Variants in EFHC1 observed in about 807,000 individuals in gnomAD.
The protein encoded by EFHC1 is EF-hand domain-containing protein 1.
EFHC1 carries 53 observed loss-of-function variants against 69.9 expected under a neutral mutation model. That is an observed-to-expected ratio of 0.76 (90% CI 0.61 to 0.95). The LOEUF (loss-of-function observed/expected upper bound fraction) is 0.95. Among genes scored for constraint, EFHC1 ranks in the 40% least tolerant of loss-of-function variants. The pLI is 0.00. For missense variants in EFHC1, 739 were observed against 798.7 expected (o/e 0.93, Z 0.90); for synonymous variants, 256 against 278.4 (o/e 0.92, Z 0.80).
chr6:52,447,486 A>G (rs951521789), intron 3 of EFHC1, among the ~76,000 whole-genome samples: 9 of 152,112 alleles, frequency 5.9e-5, no homozygotes, highest in African/African-American at 2.2e-4. Flanking sequence ...CAAGGTTTTT[A>G]GCTTCTTTGC....
Position 52,494,086 on chromosome 6 carries a change from A to ATG in EFHC1, c.*1746_*1747insGT, listed in dbSNP as rs1238969944. On this transcript the variant is annotated 3_prime_UTR_variant, in exon 11 of 11. Transcript: ENST00000371068. ...GTCGCTCATAACTATTTAAAACAGT[A>ATG]TCTCTTTCAAGTACAGATGCTCCTC... The ATG allele has an allele frequency of 3.0e-6, 1 of 335,752 alleles. No individual in the cohort carries two copies. The highest frequency in any genetic ancestry group is 5.1e-5 in the African/African-American group (1 of 19,420). The allele number at this position is 335,752 out of a possible 1,614,324, so 20.8% of individuals were successfully genotyped here. A position where few individuals can be genotyped will look rare whatever the true frequency, so the allele number is the denominator to read the frequency against.
At chr6:52,479,327 C>T (rs1183023322) in intron 8 of EFHC1, 77 bp downstream of exon 8, 1 of 1,472,766 alleles carries the variant, frequency 6.8e-7, no homozygotes, top group Non-Finnish European at 9.5e-7. Context: ...TCATTTAACC[C>T]TGTAAGAGGC....
chr6:52,436,079 C>T (rs1581817261), intron 2 of EFHC1, among the ~76,000 whole-genome samples: 1 of 152,108 alleles, frequency 6.6e-6, no homozygotes, highest in African/African-American at 2.4e-5. Flanking sequence ...TCAGCTTTAA[C>T]ATTTTATGTA....
At chr6:52,478,872 G>A (rs553564859) in intron 7 of EFHC1, among the ~76,000 whole-genome samples, 165 bp from the exon 8 acceptor site, 2 of 152,322 alleles carry the variant, frequency 1.3e-5, no homozygotes, top group Middle Eastern at 3.4e-3. Flanking sequence ...GATGAGGCAT[G>A]TTCTTCCCAG....
intron 2 of EFHC1, among the ~76,000 whole-genome samples, chr6:52,431,069 T>G (rs1222526510): frequency 3.9e-5 from 6 of 152,202 alleles, no homozygotes. Context: ...CTAATTGAGC[T>G]TATTGGATTT....
intron 3 of EFHC1, among the ~76,000 whole-genome samples, chr6:52,446,889 C>T (rs1277523145): frequency 6.6e-6 from 1 of 152,168 alleles, no homozygotes; most frequent in Non-Finnish European, 1.5e-5. Context: ...ATTATTGGCC[C>T]CCACTCTCTT....
At chr6:52,491,561 A>T (rs1199180352) in intron 10 of EFHC1, among the ~76,000 whole-genome samples, 22 of 103,130 alleles carry the variant, frequency 2.1e-4, no homozygotes. Context: ...TATGGATGTT[A>T]GTTCTGAAAT....
rs1205459786 is a variant in EFHC1, at chr6:52,493,827, A to G, written c.*1486A>G. On this transcript the variant is annotated 3_prime_UTR_variant, in exon 11 of 11. Coordinates refer to ENST00000371068, the MANE Select transcript of EFHC1 (RefSeq NM_018100.4). ...GTTCATCTTTAAACATGCTATCTCA[A>G]ATTCCCCGAAGCCACCCAAAATGTG... The G allele has an allele frequency of 6.6e-6, 3 of 453,900 alleles. No individual in the cohort carries two copies. Among genetic ancestry groups the G allele is most frequent in the African/African-American group, 6.0e-5 (3 of 49,946 alleles). The allele number at this position is 453,900 out of a possible 1,614,324, so 28.1% of individuals were successfully genotyped here.
intron 7 of EFHC1, among the ~76,000 whole-genome samples, chr6:52,471,162 A>C (rs911183986): frequency 7.9e-5 from 12 of 152,222 alleles, no homozygotes; most frequent in African/African-American, 2.9e-4. Context: ...TGATTCCAGA[A>C]GACCCACCTG....
At chr6:52,463,049 A>G (rs1456828564) in intron 5 of EFHC1, among the ~76,000 whole-genome samples, 2 of 151,708 alleles carry the variant, frequency 1.3e-5, no homozygotes, top group African/African-American at 4.9e-5. Flanking sequence ...TGTCTTTGAG[A>G]CGGAGTCTCT....
intron 5 of EFHC1, among the ~76,000 whole-genome samples, chr6:52,459,532 G>A (rs1765115054): frequency 6.6e-6 from 1 of 152,206 alleles, no homozygotes; most frequent in Non-Finnish European, 1.5e-5. Context: ...CCACTAGAAT[G>A]TCCAAAATTA....
intron 3 of EFHC1, among the ~76,000 whole-genome samples, chr6:52,447,635 G>A (rs1396024387): frequency 1.3e-5 from 2 of 152,214 alleles, no homozygotes; most frequent in Admixed American, 1.3e-4. Flanking sequence ...TCCTTTGGAG[G>A]AGAAGAGGCA....
intron 5 of EFHC1, among the ~76,000 whole-genome samples, chr6:52,459,669 G>A (rs1765118857): frequency 6.6e-6 from 1 of 151,166 alleles, no homozygotes; most frequent in African/African-American, 2.5e-5. Context: ...TGTTTTGTTT[G>A]TTTGTTTGTT....
chr6:52,458,354 T>A (rs1765089799), intron 5 of EFHC1, among the ~76,000 whole-genome samples: 1 of 152,170 alleles, frequency 6.6e-6, no homozygotes, highest in African/African-American at 2.4e-5. Flanking sequence ...AAAGAAGCTA[T>A]CAACAGAGGA....
intron 7 of EFHC1, among the ~76,000 whole-genome samples, chr6:52,478,128 A>G (rs1273422447): frequency 6.6e-6 from 1 of 152,208 alleles, no homozygotes; most frequent in East Asian, 1.9e-4. Context: ...CTTTGTAGGG[A>G]CATGGATGAA....
At chr6:52,421,563 G>A (rs1322116856) in intron 1 of EFHC1, among the ~76,000 whole-genome samples, 2 of 152,178 alleles carry the variant, frequency 1.3e-5, no homozygotes, top group Non-Finnish European at 2.9e-5. Context: ...TCATAGATGA[G>A]CTAACAGTAG....
At chr6:52,482,626 T>G (rs537836655) in intron 9 of EFHC1, 2 of 392,216 alleles carry the variant, frequency 5.1e-6, no homozygotes, top group African/African-American at 4.1e-5. Flanking sequence ...CTTCCAACAT[T>G]TTATGATTTT....
At chr6:52,420,966 C>T (rs1764177937) in intron 1 of EFHC1, 1 of 1,040,922 alleles carries the variant, frequency 9.6e-7, no homozygotes, top group African/African-American at 1.7e-5. Flanking sequence ...ATTCCCGCCC[C>T]ACCTCTTCCT....
Position 52,479,667 on chromosome 6 carries a change from A to T in EFHC1, c.1520A>T (p.Asp507Val). The change falls in exon 9 of 11, where the codon GAT (aspartate) becomes GTT (valine). Residue 507 changes from aspartate to valine, a missense_variant. Transcript: ENST00000371068. Reference sequence around the variant, plus strand: ...TTTGGTCACCGGTTCATCATCCTTGATACAGACGAGTATGTTTTGAAATAC... The same window carrying T: ...TTTGGTCACCGGTTCATCATCCTTGTTACAGACGAGTATGTTTTGAAATAC... ...EVFGHRFIIL[D>V]TDEYVLKYME... 1 of 1,614,154 alleles carries T rather than the reference A, an allele frequency of 6.2e-7. No homozygotes were observed. Among genetic ancestry groups the T allele is most frequent in the Non-Finnish European group, 8.5e-7 (1 of 1,180,034 alleles).
Sources: allele counts gnomAD v4.1 joint callset (sites outside exome capture counted in the v4.1 genomes callset), GRCh38; gene constraint gnomAD v4.1.1; transcripts MANE v1.5; gene names NCBI Gene and HGNC (gene_info 2026-07-23, HGNC 2026-07-21).